CPEB1: variants seen among roughly 807,000 people sequenced by gnomAD.
CPEB1 encodes the protein cytoplasmic polyadenylation element-binding protein 1.
A neutral mutation model predicts 65.8 loss-of-function variants in CPEB1; 7 were observed. The observed-to-expected ratio is 0.11, with a 90% CI of 0.06 to 0.20. CPEB1 has a LOEUF of 0.20. Among genes scored for constraint, CPEB1 ranks in the 10% least tolerant of loss-of-function variants. The pLI, the probability that CPEB1 is intolerant of heterozygous loss-of-function variation, is 1.00. For synonymous variants in CPEB1, 262 were observed against 260.0 expected, an observed-to-expected ratio of 1.01 and a Z score of -0.08; for missense variants, 551 against 712.2, an observed-to-expected ratio of 0.77 and a Z score of 2.58.
At chr15:82,632,074 C>T (rs769413961) in intron 1 of CPEB1, among the ~76,000 whole-genome samples, 1 of 149,184 alleles carries the variant, frequency 6.7e-6, no homozygotes, top group Non-Finnish European at 1.5e-5. Context: ...CTCCGCCTCC[C>T]GGGTTCACAG....
chr15:82,629,749 G>A, intron 1 of CPEB1: 1 of 985,296 alleles, frequency 1.0e-6, no homozygotes, highest in South Asian at 4.7e-5. Flanking sequence ...CTCATAAGCT[G>A]GTCACATCAA....
chr15:82,548,677 T>A lies in CPEB1; in HGVS notation c.1480+783A>T, dbSNP rs1247962690. The A allele has an allele frequency of 2.0e-5, 9 of 455,552 alleles. No homozygotes were observed. The East Asian group carries it at 5.6e-4, about 28-fold the overall frequency. The allele number at this position is 455,552 out of a possible 1,614,324, so 28.2% of individuals were successfully genotyped here. On this transcript the variant is annotated intron_variant, in intron 10 of 12. Coordinates refer to ENST00000684509, the MANE Select transcript of CPEB1 (RefSeq NM_001365242.1). ...CTAGCCCTTAGGCACTCTGGAGACC[T>A]ATTAAGAGAGCTGGAAGAAGCCCCA...
At chr15:82,546,345 T>A in intron 12 of CPEB1, 96 bp downstream of exon 12, 1 of 947,746 alleles carries the variant, frequency 1.1e-6, no homozygotes, top group Middle Eastern at 2.2e-4. Context: ...TCCGCCCACC[T>A]TGGCATCCCA....
At position 82,544,576 on chromosome 15, in the gene CPEB1, G is replaced by T; in HGVS notation, c.*16C>A. On this transcript the variant is annotated 3_prime_UTR_variant, in exon 13 of 13. Transcript: ENST00000684509. The stretch of plus-strand genomic sequence containing the variant: ...CAGCTTTGGGCGCCACAGGCCACTG[G>T]GCAAGGCCAGCTCCTCTAGCTGGAA... 1.2e-6 allele frequency: 2 copies of T among 1,603,950 alleles called. No homozygotes were observed. The highest frequency in any genetic ancestry group is 1.7e-6 in the Non-Finnish European group (2 of 1,172,984).
chr15:82,583,277 A>C (rs1054207265), intron 3 of CPEB1: 1 of 152,218 alleles, frequency 6.6e-6, no homozygotes, highest in Non-Finnish European at 1.5e-5. Context: ...ACTCTGGTTC[A>C]GAGTCCTTGA....
chr15:82,551,430 G>A (rs1218603574), intron 9 of CPEB1, among the ~76,000 whole-genome samples: 1 of 152,048 alleles, frequency 6.6e-6, no homozygotes, highest in Non-Finnish European at 1.5e-5. Context: ...GAAAGTCCAT[G>A]GTTTGCATCA....
At chr15:82,577,279 G>A (rs1440526722) in intron 3 of CPEB1, among the ~76,000 whole-genome samples, 2 of 152,062 alleles carry the variant, frequency 1.3e-5, no homozygotes, top group African/African-American at 2.4e-5. Context: ...GGCTGGTCTC[G>A]AACTCCTGGG....
chr15:82,629,364 T>C, intron 1 of CPEB1: 2 of 985,168 alleles, frequency 2.0e-6, no homozygotes, highest in Non-Finnish European at 2.4e-6. Flanking sequence ...GTTATACAAC[T>C]CTATGTGGTC....
At chr15:82,569,694 C>A (rs2039718554) in intron 4 of CPEB1, among the ~76,000 whole-genome samples, 1 of 152,140 alleles carries the variant, frequency 6.6e-6, no homozygotes, top group Admixed American at 6.5e-5. Flanking sequence ...TTTCTATGGG[C>A]CCAATGTTAT....
intron 3 of CPEB1, among the ~76,000 whole-genome samples, chr15:82,614,865 GTGTGTGTGTGTGTGTA>G (rs1375060410): frequency 1.7e-5 from 2 of 117,962 alleles, no homozygotes; most frequent in Admixed American, 1.7e-4. Flanking sequence ...GTGTGTGTGT[GTGTGTGTGTGTGTGTA>G]TATATATATA....
intron 4 of CPEB1, among the ~76,000 whole-genome samples, chr15:82,561,148 A>G (rs761320456): frequency 6.6e-6 from 1 of 152,238 alleles, no homozygotes; most frequent in Admixed American, 6.5e-5. Context: ...TGAGGATGGC[A>G]AGGTCCAGAG....
intron 6 of CPEB1, among the ~76,000 whole-genome samples, chr15:82,554,855 C>CA (rs2036912391): frequency 2.0e-5 from 3 of 152,198 alleles, no homozygotes; most frequent in Admixed American, 2.0e-4. Flanking sequence ...TCTTTTACGA[C>CA]AAAAACAGAA....
intron 8 of CPEB1, 146 bp from the exon 9 acceptor site, chr15:82,552,762 G>A: frequency 1.1e-6 from 1 of 877,574 alleles, no homozygotes; most frequent in Non-Finnish European, 1.8e-6. Flanking sequence ...GTCGTGTTGA[G>A]TGGAAGCATT....
At chr15:82,606,969 T>A (rs2043670370) in intron 3 of CPEB1, among the ~76,000 whole-genome samples, 1 of 151,124 alleles carries the variant, frequency 6.6e-6, no homozygotes, top group South Asian at 2.1e-4. Context: ...TTTGTCTCTT[T>A]AAAAAAAACA....
At chr15:82,546,587 A>G (rs1161323876) in intron 11 of CPEB1, 66 bp from the exon 12 acceptor site, 4 of 1,169,350 alleles carry the variant, frequency 3.4e-6, no homozygotes, top group Non-Finnish European at 5.2e-6. Context: ...AGGCGATAGA[A>G]GAAGGGCACA....
chr15:82,545,208 T>C (rs1008073846), intron 12 of CPEB1, among the ~76,000 whole-genome samples: 3 of 152,184 alleles, frequency 2.0e-5, no homozygotes, highest in Admixed American at 6.5e-5. Flanking sequence ...TGAGCAATTA[T>C]CTGACTATGG....
chr15:82,573,996 ACTAACACAATCTTCCCACCCCAAGC>A (rs1290903787), intron 3 of CPEB1, among the ~76,000 whole-genome samples: 2 of 152,106 alleles, frequency 1.3e-5, no homozygotes, highest in Admixed American at 1.3e-4. Context: ...GATGTGTACA[ACTAACACAATCTTCCCACCCCAAGC>A]TGAAAGACCC....
rs1279884893 is a variant in CPEB1, at chr15:82,647,281, A to C, written c.-242T>G. The stretch of plus-strand genomic sequence containing the variant: ...TGTGAAGCCACGTGACCTGCCCAGG[A>C]TTGGGAAGCCGCACGAGGGGCTTGA... On this transcript the variant is annotated 5_prime_UTR_variant, in exon 1 of 13. Transcript: ENST00000684509. 1 of 151,850 alleles carries C rather than the reference A, an allele frequency of 6.6e-6. No individual in the cohort carries two copies. Among genetic ancestry groups the C allele is most frequent in the Non-Finnish European group, 1.5e-5 (1 of 68,048 alleles). The allele number at this position is 151,850 out of a possible 1,614,324, so 9.4% of individuals were successfully genotyped here. A position where few individuals can be genotyped will look rare whatever the true frequency, so the allele number is the denominator to read the frequency against.
chr15:82,642,806 T>A (rs118126863), intron 1 of CPEB1, among the ~76,000 whole-genome samples: 1 of 152,202 alleles, frequency 6.6e-6, no homozygotes, highest in Non-Finnish European at 1.5e-5. Context: ...AACTTCTCCA[T>A]AGCAGAGAAA....
Sources: allele counts gnomAD v4.1 joint callset (sites outside exome capture counted in the v4.1 genomes callset), GRCh38; gene constraint gnomAD v4.1.1; transcripts MANE v1.5; gene names NCBI Gene and HGNC (gene_info 2026-07-23, HGNC 2026-07-21).